The following CIMAP3 variants were observed in gnomAD, a reference collection of about 807,000 sequenced individuals.
The protein encoded by CIMAP3 is ciliary microtubule-associated protein 3.
At chr1:111,347,668 C>A in the CIMAP3 span, 1 of 1,572,938 alleles carries the variant, frequency 6.4e-7, no homozygotes, top group Non-Finnish European at 8.7e-7. Flanking sequence ...AATATACCAC[C>A]CAAAGGGATA....
the CIMAP3 span, among the ~76,000 whole-genome samples, chr1:111,336,400 G>C: frequency 1.3e-5 from 2 of 151,748 alleles, no homozygotes; most frequent in South Asian, 4.2e-4. Context: ...ATCAAACTAC[G>C]AGCTACAGGA....
chr1:111,347,133 A>T, the CIMAP3 span: 6 of 1,453,846 alleles, frequency 4.1e-6, no homozygotes, highest in Middle Eastern at 6.0e-4. Context: ...TAAAAGAAAA[A>T]ATTCTGTGGG....
the CIMAP3 span, among the ~76,000 whole-genome samples, chr1:111,337,210 A>G: frequency 6.6e-6 from 1 of 152,208 alleles, no homozygotes; most frequent in Non-Finnish European, 1.5e-5. Context: ...CTAAACATGG[A>G]AAGGAACAAC....
At chr1:111,347,632 T>TTTTTTGGTGTTTTTTTTTG in the CIMAP3 span, 1 of 1,199,734 alleles carries the variant, frequency 8.3e-7, no homozygotes, top group Non-Finnish European at 1.2e-6. Flanking sequence ...CTTTTTTTTT[T>TTTTTTGGTGTTTTTTTTTG]TTTTTGGTGT....
At chr1:111,329,559 A>ATATATATT in the CIMAP3 span, among the ~76,000 whole-genome samples, 1 of 89,824 alleles carries the variant, frequency 1.1e-5, no homozygotes, top group African/African-American at 4.2e-5. Context: ...ATATATATAT[A>ATATATATT]ATTTTTTTTT....
chr1:111,335,279 G>A, the CIMAP3 span, among the ~76,000 whole-genome samples: 1 of 152,018 alleles, frequency 6.6e-6, no homozygotes, highest in Admixed American at 6.5e-5. Context: ...AGACACAGAA[G>A]ACGGGTGATT....
the CIMAP3 span, among the ~76,000 whole-genome samples, chr1:111,336,080 T>C: frequency 7.9e-3 from 1,204 of 152,312 alleles, 16 homozygotes; most frequent in African/African-American, 0.027. Context: ...TGCTGATACC[T>C]AGGCAAACAG....
chr1:111,348,767 C>A, the CIMAP3 span: 1 of 993,928 alleles, frequency 1.0e-6, no homozygotes, highest in Non-Finnish European at 1.4e-6. Context: ...AAATAAGGAA[C>A]CATTCAGAGA....
chr1:111,350,199 A>G, the CIMAP3 span: 1 of 1,612,880 alleles, frequency 6.2e-7, no homozygotes, highest in Non-Finnish European at 8.5e-7. Context: ...TTCCATGTCT[A>G]CAGAAAAGAA....
chr1:111,337,883 C>T, the CIMAP3 span, among the ~76,000 whole-genome samples: 2 of 151,420 alleles, frequency 1.3e-5, no homozygotes, highest in African/African-American at 4.9e-5. Context: ...ACCAAATCAA[C>T]AGAATATACA....
chr1:111,326,658 A>T, the CIMAP3 span, among the ~76,000 whole-genome samples: 1 of 152,128 alleles, frequency 6.6e-6, no homozygotes, highest in Non-Finnish European at 1.5e-5. Context: ...AGATTTTTGC[A>T]ATTTCCATAC....
the CIMAP3 span, among the ~76,000 whole-genome samples, chr1:111,338,214 T>G: frequency 6.6e-6 from 1 of 151,854 alleles, no homozygotes; most frequent in Non-Finnish European, 1.5e-5. Context: ...GAGGGAAATT[T>G]ATAGCACTAA....
the CIMAP3 span, chr1:111,347,874 C>T: frequency 6.2e-6 from 5 of 808,838 alleles, no homozygotes; most frequent in South Asian, 7.3e-5. Context: ...AGAATATGCC[C>T]TGAAATTAAA....
chr1:111,336,155 G>T, the CIMAP3 span, among the ~76,000 whole-genome samples: 1 of 152,180 alleles, frequency 6.6e-6, no homozygotes, highest in Non-Finnish European at 1.5e-5. Context: ...CTGTTAGAAG[G>T]AAAACTAACA....
At chr1:111,342,431 G>C in the CIMAP3 span, among the ~76,000 whole-genome samples, 4 of 152,252 alleles carry the variant, frequency 2.6e-5, no homozygotes, top group African/African-American at 9.6e-5. Flanking sequence ...ATCAGCCTTG[G>C]AGCCAAAAGT....
chr1:111,348,156 G>A, the CIMAP3 span, among the ~76,000 whole-genome samples: 1 of 152,088 alleles, frequency 6.6e-6, no homozygotes, highest in Non-Finnish European at 1.5e-5. Flanking sequence ...GTTCAGTAGG[G>A]GATCCTAATC....
At chr1:111,339,267 T>A in the CIMAP3 span, among the ~76,000 whole-genome samples, 1 of 151,336 alleles carries the variant, frequency 6.6e-6, no homozygotes. Flanking sequence ...GGGCAAAAAC[T>A]GGAAGCATTC....
chr1:111,325,337 G>T, the CIMAP3 span, among the ~76,000 whole-genome samples: 49 of 152,316 alleles, frequency 3.2e-4, no homozygotes, highest in African/African-American at 1.2e-3. Context: ...CACATAGTTA[G>T]TCAATGACAG....
At chr1:111,348,531 G>C in the CIMAP3 span, 1 of 1,606,432 alleles carries the variant, frequency 6.2e-7, no homozygotes, top group Non-Finnish European at 8.5e-7. Flanking sequence ...GACACCTCAT[G>C]CAGGCAGGTA....
Sources: allele counts gnomAD v4.1 joint callset (sites outside exome capture counted in the v4.1 genomes callset), GRCh38; gene constraint gnomAD v4.1.1; transcripts MANE v1.5; gene names NCBI Gene and HGNC (gene_info 2026-07-23, HGNC 2026-07-21).